The following MGAT5 variants were observed in gnomAD, a reference collection of about 807,000 sequenced individuals.
The protein encoded by MGAT5 is alpha-1,6-mannosylglycoprotein 6-beta-N-acetylglucosaminyltransferase, also known as alpha-1,6-mannosylglycoprotein 6-beta-N-acetylglucosaminyltransferase A.
MGAT5 carries 30 observed loss-of-function variants against 94.3 expected under a neutral mutation model. The observed-to-expected ratio is 0.32, with a 90% confidence interval of 0.24 to 0.43. The LOEUF (loss-of-function observed/expected upper bound fraction) is 0.43, where lower values mean the gene tolerates loss of function less well. Ranked by LOEUF, MGAT5 falls within the 20% of genes least tolerant of loss-of-function variation. The probability of loss-of-function intolerance (pLI) is 1.00; values close to 1 mark genes in which losing one functional copy is unlikely to be tolerated. For synonymous variants in MGAT5, 310 were observed against 322.9 expected, an observed-to-expected ratio of 0.96 and a Z score of 0.43; for missense variants, 691 against 905.5, an observed-to-expected ratio of 0.76 and a Z score of 3.04.
intron 1 of MGAT5, among the ~76,000 whole-genome samples, chr2:134,191,464 C>G (rs1234378026): frequency 6.6e-6 from 1 of 152,142 alleles, no homozygotes; most frequent in Admixed American, 6.5e-5. Context: ...CCCTACCCCC[C>G]CCACCAGCAG....
At chr2:134,120,285 C>A in exon 1 of MGAT5, 1 of 390,682 alleles carries the variant, frequency 2.6e-6, no homozygotes, top group Non-Finnish European at 4.5e-6. Flanking sequence ...TGCTGCCCAA[C>A]AAGGAGGTAA....
At chr2:134,372,268 G>A (rs185204699) in intron 10 of MGAT5, among the ~76,000 whole-genome samples, 9 of 152,252 alleles carry the variant, frequency 5.9e-5, no homozygotes, top group Non-Finnish European at 8.8e-5. Flanking sequence ...CCAGTGCTCC[G>A]GGCCTTTGCT....
chr2:134,287,624 TC>T (rs1231880398), intron 2 of MGAT5, among the ~76,000 whole-genome samples: 1 of 152,220 alleles, frequency 6.6e-6, no homozygotes, highest in Non-Finnish European at 1.5e-5. Flanking sequence ...CATAGATGGA[TC>T]CTTCAGCCTT....
rs535954946 is a variant in MGAT5, at chr2:134,331,056, C to T, written c.574-5161C>T. On this transcript the variant is annotated intron_variant, in intron 4 of 15. Coordinates refer to ENST00000281923, the MANE Select transcript of MGAT5 (RefSeq NM_002410.5). ...AGCTGTCTTATGTATCTGCCAGCAA[C>T]TTTTTTCCCCTTAATATAATGAATT... Among the ~76,000 whole-genome samples the T allele has an allele frequency of 2.9e-4, 44 of 152,148 alleles. No individual in the cohort carries two copies. The East Asian group carries it at 7.9e-3, about 27-fold the overall frequency.
chr2:134,368,394 T>C lies in MGAT5; in HGVS notation c.1380+5986T>C, dbSNP rs892283340. On this transcript the variant is annotated intron_variant, in intron 10 of 15. Coordinates refer to ENST00000281923, the MANE Select transcript of MGAT5 (RefSeq NM_002410.5). Reference sequence around the variant, plus strand: ...CAGCTCCAGACCCTAGGGCCTGATGTGGTCCAGCCCTCGCCTGCCTTGGCA... The same window carrying C: ...CAGCTCCAGACCCTAGGGCCTGATGCGGTCCAGCCCTCGCCTGCCTTGGCA... 8.5e-5 allele frequency among the ~76,000 whole-genome samples: 13 copies of C among 152,252 alleles called. No individual in the cohort carries two copies. The East Asian group carries it at 1.9e-3, about 23-fold the overall frequency.
chr2:134,349,943 G>A lies in MGAT5; in HGVS notation c.1246+5G>A, dbSNP rs1379424137. On this transcript the variant is annotated splice_donor_5th_base_variant and intron_variant, in intron 9 of 15. Coordinates refer to ENST00000281923, the MANE Select transcript of MGAT5 (RefSeq NM_002410.5). The stretch of plus-strand genomic sequence containing the variant: ...AGCAGTTTTATACCATGTTCCGTGA[G>A]TATTCCTGTTTCATGTATGCTTTCC... The A allele has an allele frequency of 6.2e-7, 1 of 1,613,214 alleles. No homozygotes were observed. Among genetic ancestry groups the A allele is most frequent in the South Asian group, 1.1e-5 (1 of 91,036 alleles).
intron 1 of MGAT5, among the ~76,000 whole-genome samples, chr2:134,186,000 C>T (rs1234797842): frequency 1.3e-5 from 2 of 152,122 alleles, no homozygotes; most frequent in Non-Finnish European, 2.9e-5. Context: ...GGATGAGGAA[C>T]CGTAGATTAT....
At chr2:134,402,784 G>A (rs536498742) in intron 10 of MGAT5, among the ~76,000 whole-genome samples, 1 of 152,216 alleles carries the variant, frequency 6.6e-6, no homozygotes, top group South Asian at 2.1e-4. Context: ...ATTATACAAT[G>A]GCTATATGAC....
intron 1 of MGAT5, among the ~76,000 whole-genome samples, chr2:134,185,238 A>C (rs1048767794): frequency 1.3e-5 from 2 of 152,220 alleles, no homozygotes; most frequent in African/African-American, 4.8e-5. Flanking sequence ...GCAGAGCCTC[A>C]TCCTGCAGCC....
intron 10 of MGAT5, among the ~76,000 whole-genome samples, chr2:134,372,978 C>T (rs1680913223): frequency 6.6e-6 from 1 of 152,194 alleles, no homozygotes; most frequent in Non-Finnish European, 1.5e-5. Context: ...TGGAAGGTTC[C>T]AAATCACTGC....
chr2:134,442,645 T>A (rs765506215), intron 15 of MGAT5, among the ~76,000 whole-genome samples: 1 of 152,142 alleles, frequency 6.6e-6, no homozygotes, highest in Non-Finnish European at 1.5e-5. Context: ...CACCTTTCCT[T>A]TCCCTTTGCA....
At position 134,332,383 on chromosome 2, in the gene MGAT5, A is replaced by C. The variant is rs1268364948; in HGVS notation, c.574-3834A>C. 2.7e-5 allele frequency among the ~76,000 whole-genome samples: 4 copies of C among 150,628 alleles called. No homozygotes were observed. In the South Asian group the frequency reaches 8.3e-4, roughly 31 times the overall value. ...ATGGTGCTGGGAAAACTGGCTAGCCATATGTAGAAAGCTGAAACTGGATCC... is the reference window on the plus strand; with the variant it reads ...ATGGTGCTGGGAAAACTGGCTAGCCCTATGTAGAAAGCTGAAACTGGATCC... On this transcript the variant is annotated intron_variant, in intron 4 of 15. Coordinates refer to ENST00000281923, the MANE Select transcript of MGAT5 (RefSeq NM_002410.5).
chr2:134,202,100 C>A (rs574388516), intron 1 of MGAT5, among the ~76,000 whole-genome samples: 1 of 152,118 alleles, frequency 6.6e-6, no homozygotes, highest in Non-Finnish European at 1.5e-5. Flanking sequence ...TCTATGACAT[C>A]CTCTCTTCTT....
intron 1 of MGAT5, among the ~76,000 whole-genome samples, chr2:134,173,008 A>C (rs1285845612): frequency 1.3e-5 from 2 of 152,214 alleles, no homozygotes; most frequent in African/African-American, 2.4e-5. Flanking sequence ...CGTTAGAGCT[A>C]GGAAATCGTG....
Position 134,171,838 on chromosome 2 carries a change from G to A in MGAT5, c.-143+51547G>A, listed in dbSNP as rs564469301. Among the ~76,000 whole-genome samples, 7 of 152,266 alleles carry A rather than the reference G, an allele frequency of 4.6e-5. No individual in the cohort carries two copies. The South Asian group carries it at 1.2e-3, about 27-fold the overall frequency. On this transcript the variant is annotated intron_variant, in intron 1 of 16. Transcript: ENST00000409645. ...ACTCACCTGGGCTAAGCAGAGAGCT[G>A]GGGTATTTGCTCTTGTCGGGGAGAG...
intron 1 of MGAT5, among the ~76,000 whole-genome samples, chr2:134,188,250 G>C (rs1188998449): frequency 6.6e-6 from 1 of 152,262 alleles, no homozygotes; most frequent in Non-Finnish European, 1.5e-5. Flanking sequence ...AGGATAGAGA[G>C]TAGTGGCTGT....
intron 2 of MGAT5, among the ~76,000 whole-genome samples, chr2:134,313,546 A>T (rs1194292200): frequency 6.6e-6 from 1 of 152,274 alleles, no homozygotes; most frequent in Middle Eastern, 3.4e-3. Context: ...ATTAAACCGA[A>T]TCCTAAACAG....
intron 9 of MGAT5, 104 bp downstream of exon 9, chr2:134,350,042 G>A: frequency 2.4e-6 from 3 of 1,256,042 alleles, no homozygotes; most frequent in Non-Finnish European, 3.4e-6. Context: ...ACCATTAGCT[G>A]TAGAAGTGTG....
At chr2:134,333,465 A>G (rs938795859) in intron 4 of MGAT5, among the ~76,000 whole-genome samples, 2 of 150,456 alleles carry the variant, frequency 1.3e-5, no homozygotes, top group African/African-American at 2.4e-5. Context: ...GGATAGCATT[A>G]GGAGATATAT....
Sources: gnomAD v4.1 joint callset for allele counts (sites outside exome capture counted in the v4.1 genomes callset) on GRCh38, gnomAD v4.1.1 for gene constraint, MANE v1.5 for transcripts, NCBI Gene and HGNC (gene_info 2026-07-23, HGNC 2026-07-21) for gene names.